SLC44A4: variants seen among roughly 807,000 people sequenced by gnomAD.
SLC44A4 encodes solute carrier family 44 member 4.
A neutral mutation model predicts 97.0 loss-of-function variants in SLC44A4; 74 were observed. That is an observed-to-expected ratio of 0.76 (90% confidence interval 0.63 to 0.93). The LOEUF (loss-of-function observed/expected upper bound fraction) is 0.93, where lower values mean the gene tolerates loss of function less well. Ranked by LOEUF, SLC44A4 falls within the 40% of genes least tolerant of loss-of-function variation. SLC44A4 has a pLI of 0.00. For missense variants in SLC44A4, 799 were observed against 902.9 expected, an observed-to-expected ratio of 0.88 and a Z score of 1.48; for synonymous variants, 325 against 363.8, an observed-to-expected ratio of 0.89 and a Z score of 1.21.
At position 31,876,093 on chromosome 6, in the gene SLC44A4, C is replaced by G. The variant is rs1562458299; in HGVS notation, c.126G>C (p.Leu42=). The change falls in exon 3 of 21, where the codon CTG becomes CTC. Residue 42 remains leucine (L), a synonymous_variant. Transcript: ENST00000229729. This position sits in a 1 kb window ranked among gnomAD's most constrained non-coding sequence, Gnocchi z 4.8. The stretch of plus-strand genomic sequence containing the variant: ...CCACGATGTAACCTAGAATGAAGAG[C>G]AGGAAGAGGACGCAGCAGATGACAT... ...CTDVICCVLF[L]LFILGYIVVG... 1 of 1,613,938 alleles carries G rather than the reference C, an allele frequency of 6.2e-7. No individual in the cohort carries two copies. The highest frequency in any genetic ancestry group is 1.7e-5 in the Admixed American group (1 of 59,986).
Position 31,864,734 on chromosome 6 carries a change from G to T in SLC44A4, c.1929C>A (p.Thr643=). 6.2e-7 allele frequency: 1 copy of T among 1,614,178 alleles called. No homozygotes were observed. Among genetic ancestry groups the T allele is most frequent in the African/African-American group, 1.3e-5 (1 of 75,046 alleles). The change falls in exon 20 of 21, where the codon ACC becomes ACA. Residue 643 remains threonine (T), a splice_region_variant and synonymous_variant. Transcript: ENST00000229729. Reference sequence around the variant, plus strand: ...CGATGACATAGGCCCCCAGGATGGAGGTCTGGAAGACATGACCCGTTGGGG... The same window carrying T: ...CGATGACATAGGCCCCCAGGATGGATGTCTGGAAGACATGACCCGTTGGGG... ...HLNYYWLPIM[T]SILGAYVIAS...
chr6:31,876,168 C>T lies in SLC44A4; in HGVS notation c.90-39G>A, dbSNP rs1480833823. 6.4e-7 allele frequency: 1 copy of T among 1,570,064 alleles called. No homozygotes were observed. Among genetic ancestry groups the T allele is most frequent in the East Asian group, 2.3e-5 (1 of 44,312 alleles). On this transcript the variant is annotated intron_variant, in intron 2 of 20. Coordinates refer to ENST00000229729, the MANE Select transcript of SLC44A4 (RefSeq NM_025257.3). The surrounding 1 kb of genome is among the most constrained non-coding windows in gnomAD (Gnocchi z 4.8). ...GAAACGGGAGGCTGAGCTAAGGAGACTTGGGGAGGTAGGGCTTATGGTCTG... is the reference window on the plus strand; with the variant it reads ...GAAACGGGAGGCTGAGCTAAGGAGATTTGGGGAGGTAGGGCTTATGGTCTG...
In SLC44A4 at chr6:31,876,342, C is replaced by T. The variant is rs1410431597; in HGVS notation, c.90-213G>A. On this transcript the variant is annotated intron_variant, in intron 2 of 20. Coordinates refer to ENST00000229729, the MANE Select transcript of SLC44A4 (RefSeq NM_025257.3). The surrounding 1 kb of genome is among the most constrained non-coding windows in gnomAD (Gnocchi z 4.8). ...GGAGTGCAGTGGTGCAATCTTGGCT[C>T]ACTGCAGCCTCTGCCTCCTGGGTTC... Among the ~76,000 whole-genome samples, 1 of 152,192 alleles carries T rather than the reference C, an allele frequency of 6.6e-6. No individual in the cohort carries two copies. The highest frequency in any genetic ancestry group is 1.5e-5 in the Non-Finnish European group (1 of 68,038).
At position 31,865,067 on chromosome 6, in the gene SLC44A4, C is replaced by G. The variant is rs1562441402; in HGVS notation, c.1774G>C (p.Asp592His). 1.2e-6 allele frequency: 2 copies of G among 1,613,402 alleles called. No individual in the cohort carries two copies. The highest frequency in any genetic ancestry group is 4.5e-5 in the East Asian group (2 of 44,884). Residue 592 changes from aspartate to histidine, a missense_variant, in exon 18 of 21, where the codon GAC becomes CAC. Asp to His is a moderately conservative substitution (Grantham distance 81, BLOSUM62 -1). This residue lies in a region of SLC44A4 where 379 missense variants were observed against 438.3 expected (regional missense o/e 0.86). Coordinates refer to ENST00000229729, the MANE Select transcript of SLC44A4 (RefSeq NM_025257.3). The surrounding 1 kb of genome is among the most constrained non-coding windows in gnomAD (Gnocchi z 5.2). ...AACAGCAGCAGGTCTGTGACTTTGT[C>G]CAGGACGACCACCCTGTGCCAGAAG... ...MRNIVRVVVL[D>H]KVTDLLLFFG... is the part of the protein sequence containing the mutation.
At position 31,878,927 on chromosome 6, in the gene SLC44A4, C is replaced by T. The variant is rs777735640; in HGVS notation, c.40+14G>A. 5.6e-6 allele frequency: 9 copies of T among 1,613,702 alleles called. No homozygotes were observed. Among genetic ancestry groups the T allele is most frequent in the South Asian group, 4.4e-5 (4 of 91,072 alleles). ...CCTCCCTCCACAGGGTCCCGGGCCT[C>T]GCCCCAGTCTCACCGTAGGCCTCGT... is the stretch of plus-strand genomic sequence containing the variant. On this transcript the variant is annotated intron_variant, in intron 1 of 20. Coordinates refer to ENST00000229729, the MANE Select transcript of SLC44A4 (RefSeq NM_025257.3). The surrounding 1 kb of genome is among the most constrained non-coding windows in gnomAD (Gnocchi z 4.0).
chr6:31,866,522 T>A (rs926104865), intron 13 of SLC44A4, among the ~76,000 whole-genome samples: 1 of 152,202 alleles, frequency 6.6e-6, no homozygotes, highest in African/African-American at 2.4e-5. Flanking sequence ...ACAGTTCTTA[T>A]CTGTTGAGAT....
chr6:31,864,375 C>A lies in SLC44A4; in HGVS notation c.2011+277G>T, dbSNP rs542880116. 7.2e-6 allele frequency: 4 copies of A among 555,730 alleles called. No individual in the cohort carries two copies. In the African/African-American group the frequency reaches 7.5e-5, roughly 10 times the overall value. The allele number at this position is 555,730 out of a possible 1,614,324, so 34.4% of individuals were successfully genotyped here. A position where few individuals can be genotyped will look rare whatever the true frequency, so the allele number is the denominator to read the frequency against. Reference sequence around the variant, plus strand: ...ACAGGCGTGAGCCACCATGCCTGGCCTCTAATGGCTAACTTCTACCCGAGA... The same window carrying A: ...ACAGGCGTGAGCCACCATGCCTGGCATCTAATGGCTAACTTCTACCCGAGA... On this transcript the variant is annotated intron_variant, in intron 20 of 20. Transcript: ENST00000229729.
At chr6:31,870,149 TG>T (rs1254126711) in intron 11 of SLC44A4, among the ~76,000 whole-genome samples, 2 of 152,134 alleles carry the variant, frequency 1.3e-5, no homozygotes, top group Non-Finnish European at 2.9e-5. Context: ...TAAACAGAAC[TG>T]AATAAATCAG....
rs746487711 is a variant in SLC44A4 at position 31,874,960 on chromosome 6, G to C, written c.311C>G (p.Ala104Gly). 6.2e-7 allele frequency: 1 copy of C among 1,613,718 alleles called. No homozygotes were observed. The highest frequency in any genetic ancestry group is 1.1e-5 in the South Asian group (1 of 91,078). Residue 104 changes from alanine to glycine, a missense_variant, in exon 5 of 21, where the codon GCT becomes GGT. Physicochemically the swap from Ala to Gly is moderately conservative, Grantham distance 60. This residue lies in a region of SLC44A4 where 409 missense variants were observed against 434.1 expected (regional missense o/e 0.94). Transcript: ENST00000229729. This position sits in a 1 kb window ranked among gnomAD's most constrained non-coding sequence, Gnocchi z 4.8. The stretch of plus-strand genomic sequence containing the variant: ...TGTGGGGCACTGTAGGCCGTTCTCA[G>C]CAACTGAGATGATGTTGCTGGACAG... ...CILSSNIISVAENGLQCPTPQ... is the reference protein window; with the variant it reads ...CILSSNIISVGENGLQCPTPQ...
Position 31,878,907 on chromosome 6 carries a change from C to G in SLC44A4, c.40+34G>C, listed in dbSNP as rs547648697. ...TCCCAAAGTACCCGTCCTCCCCTCC[C>G]TCCACAGGGTCCCGGGCCTCGCCCC... is the stretch of plus-strand genomic sequence containing the variant. On this transcript the variant is annotated intron_variant, in intron 1 of 20. Transcript: ENST00000229729. The surrounding 1 kb of genome is among the most constrained non-coding windows in gnomAD (Gnocchi z 4.0). 6.2e-7 allele frequency: 1 copy of G among 1,612,408 alleles called. No individual in the cohort carries two copies. The highest frequency in any genetic ancestry group is 1.1e-5 in the South Asian group (1 of 91,062).
In SLC44A4 at chr6:31,865,248, C is replaced by G; in HGVS notation, c.1760+67G>C. On this transcript the variant is annotated intron_variant, in intron 17 of 20. Coordinates refer to ENST00000229729, the MANE Select transcript of SLC44A4 (RefSeq NM_025257.3). This position sits in a 1 kb window ranked among gnomAD's most constrained non-coding sequence, Gnocchi z 5.2. ...TAGGGCCCGACTGAGCACAGCACAC[C>G]CACGAAGCCAGCCTTGGGTGGGAGA... 2.6e-5 allele frequency: 42 copies of G among 1,591,702 alleles called. No individual in the cohort carries two copies. Among genetic ancestry groups the G allele is most frequent in the Non-Finnish European group, 3.4e-5 (40 of 1,159,836 alleles).
Position 31,875,019 on chromosome 6 carries a change from C to A in SLC44A4, c.252G>T (p.Pro84=). The change falls in exon 5 of 21, where the codon CCG becomes CCT. Residue 84 remains proline, a synonymous_variant. Coordinates refer to ENST00000229729, the MANE Select transcript of SLC44A4 (RefSeq NM_025257.3). The part of the protein sequence containing the change: ...YCGMGENKDK[P]YLLYFNIFSC... ...TGAAGATGTTGAAGTACAGGAGATACGGCTTATCTCTGTGGGAGGGGAGGG... is the reference window on the plus strand; with the variant it reads ...TGAAGATGTTGAAGTACAGGAGATAAGGCTTATCTCTGTGGGAGGGGAGGG... The A allele has an allele frequency of 6.2e-7, 1 of 1,611,372 alleles. No homozygotes were observed. Among genetic ancestry groups the A allele is most frequent in the Non-Finnish European group, 8.5e-7 (1 of 1,179,206 alleles).
intron 4 of SLC44A4, 63 bp downstream of exon 4, chr6:31,875,789 G>T: frequency 4.2e-6 from 6 of 1,435,336 alleles, no homozygotes; most frequent in Non-Finnish European, 5.8e-6. Flanking sequence ...GAGTTGGGGG[G>T]GTGTCTCCTG....
rs145665897 is a variant in SLC44A4 at position 31,876,105 on chromosome 6, G to A, written c.114C>T (p.Cys38=). ...CTAGAATGAAGAGCAGGAAGAGGAC[G>A]CAGCAGATGACATCTGTGCAGCTTC... ...KNRSCTDVIC[C]VLFLLFILGY... is the part of the protein sequence containing the mutation. The change falls in exon 3 of 21, where the codon TGC becomes TGT. Residue 38 remains cysteine (C), a synonymous_variant. Transcript: ENST00000229729. The surrounding 1 kb of genome is among the most constrained non-coding windows in gnomAD (Gnocchi z 4.8). 6.2e-6 allele frequency: 10 copies of A among 1,613,904 alleles called. No individual in the cohort carries two copies. The highest frequency in any genetic ancestry group is 1.1e-5 in the South Asian group (1 of 91,066).
intron 7 of SLC44A4, among the ~76,000 whole-genome samples, chr6:31,872,752 G>A (rs1397171135): frequency 1.3e-5 from 2 of 152,194 alleles, no homozygotes; most frequent in African/African-American, 4.8e-5. Flanking sequence ...GCATAGTTGG[G>A]TCAAGACCAT....
intron 13 of SLC44A4, among the ~76,000 whole-genome samples, chr6:31,866,750 C>T (rs1053151134): frequency 2.0e-5 from 3 of 152,062 alleles, no homozygotes; most frequent in East Asian, 1.9e-4. Flanking sequence ...AAAAATTAGC[C>T]GGGCGTGGTG....
At chr6:31,864,786 G>C in intron 19 of SLC44A4, 30 bp downstream of exon 19, 1 of 1,613,738 alleles carries the variant, frequency 6.2e-7, no homozygotes, top group African/African-American at 1.3e-5. Flanking sequence ...GGGAGTTGGG[G>C]GTGGAGCAGC....
intron 7 of SLC44A4, among the ~76,000 whole-genome samples, chr6:31,872,941 C>G (rs1194642541): frequency 2.6e-5 from 4 of 151,750 alleles, no homozygotes; most frequent in Non-Finnish European, 4.4e-5. Context: ...GCAGTGGCAC[C>G]ATCTCGGCTC....
At position 31,863,301 on chromosome 6, in the gene SLC44A4, C is replaced by T; in HGVS notation, c.*326G>A. 3.6e-6 allele frequency: 1 copy of T among 280,434 alleles called. No individual in the cohort carries two copies. The highest frequency in any genetic ancestry group is 6.7e-6 in the Non-Finnish European group (1 of 148,868). 17.4% of individuals were successfully genotyped at this position (280,434 alleles called of 1,614,324 possible). A position where few individuals can be genotyped will look rare whatever the true frequency, so the allele number is the denominator to read the frequency against. On this transcript the variant is annotated 3_prime_UTR_variant, in exon 21 of 21. Transcript: ENST00000229729. Reference sequence around the variant, plus strand: ...AGTGCAGTGGCGCGATCTCGGCTCACTGCAACCTCTGCCTCCCGGGTTCAA... The same window carrying T: ...AGTGCAGTGGCGCGATCTCGGCTCATTGCAACCTCTGCCTCCCGGGTTCAA...
Sources: allele counts gnomAD v4.1 joint callset (sites outside exome capture counted in the v4.1 genomes callset), GRCh38; gene constraint gnomAD v4.1.1; regional missense constraint gnomAD v4.1.1; non-coding constraint Gnocchi (gnomAD v3.1); transcripts MANE v1.5; gene names NCBI Gene and HGNC (gene_info 2026-07-23, HGNC 2026-07-21).